TYW1: variants seen among roughly 807,000 people sequenced by gnomAD.
TYW1 encodes the protein S-adenosyl-L-methionine-dependent tRNA 4-demethylwyosine synthase TYW1.
In TYW1, 46 loss-of-function variants were observed where a neutral mutation model predicts 96.2. The ratio of observed to expected loss-of-function variants is 0.48; its 90% CI spans 0.38 to 0.61. The LOEUF (loss-of-function observed/expected upper bound fraction) is 0.61. TYW1 is among the 20% of genes least tolerant of loss of function. TYW1 has a pLI of 0.00. For missense variants in TYW1, 684 were observed against 909.6 expected, an observed-to-expected ratio of 0.75 and a Z score of 3.19; for synonymous variants, 274 against 323.0, an observed-to-expected ratio of 0.85 and a Z score of 1.63.
chr7:67,207,385 C>A (rs74780635), intron 15 of TYW1, among the ~76,000 whole-genome samples: 5,810 of 152,234 alleles, frequency 0.038, 330 homozygotes, highest in African/African-American at 0.13. Flanking sequence ...CCTTATCATT[C>A]ATTCACTCCA....
Position 67,239,477 on chromosome 7 carries a change from T to C in TYW1, c.*948T>C, listed in dbSNP as rs752204271. ...AGCAAGTTCTTTTAACAGTCTTTTA[T>C]GCAAAAATTGAATTAATAAAATAAT... On this transcript the variant is annotated 3_prime_UTR_variant, in exon 16 of 16. Transcript: ENST00000359626. 3.5e-5 allele frequency: 30 copies of C among 865,786 alleles called. No individual in the cohort carries two copies. The highest frequency in any genetic ancestry group is 3.7e-5 in the Non-Finnish European group (27 of 721,208). The allele number at this position is 865,786 out of a possible 1,614,324, so 53.6% of individuals were successfully genotyped here.
At chr7:67,107,862 G>A (rs894700912) in intron 12 of TYW1, among the ~76,000 whole-genome samples, 5 of 148,624 alleles carry the variant, frequency 3.4e-5, no homozygotes, top group South Asian at 2.1e-4. Flanking sequence ...CACCATGCCT[G>A]GCCAAGATGG....
In TYW1 at chr7:67,063,839, T is replaced by G. The variant is rs374531553; in HGVS notation, c.1156-3446T>G. Reference sequence around the variant, plus strand: ...GGATGGTCTTGATCTCCTGACCTTGTGATCCGCCCACCTCAGCCTCCCAAA... The same window carrying G: ...GGATGGTCTTGATCTCCTGACCTTGGGATCCGCCCACCTCAGCCTCCCAAA... On this transcript the variant is annotated intron_variant, in intron 9 of 15. Coordinates refer to ENST00000359626, the MANE Select transcript of TYW1 (RefSeq NM_018264.4). 2.0e-3 allele frequency among the ~76,000 whole-genome samples: 293 copies of G among 147,468 alleles called. 11 individuals are homozygous for G. The South Asian group carries it at 0.062, about 31-fold the overall frequency.
intron 13 of TYW1, among the ~76,000 whole-genome samples, chr7:67,149,768 ATCTATCTC>A (rs1213351846): frequency 9.7e-4 from 82 of 84,154 alleles, no homozygotes; most frequent in East Asian, 2.4e-3. Flanking sequence ...CTATCTATCT[ATCTATCTC>A]TCTATGTTAA....
chr7:67,010,127 C>G (rs1246693558), intron 4 of TYW1, among the ~76,000 whole-genome samples: 5 of 151,708 alleles, frequency 3.3e-5, no homozygotes. Context: ...GATTTACAGG[C>G]ATGCACCACC....
chr7:67,029,992 A>C (rs1303715945), intron 7 of TYW1, among the ~76,000 whole-genome samples: 1 of 152,176 alleles, frequency 6.6e-6, no homozygotes, highest in African/African-American at 2.4e-5. Flanking sequence ...GTCAAGGAAG[A>C]GATACTCTGG....
chr7:67,138,518 A>C (rs1166664451), intron 13 of TYW1, among the ~76,000 whole-genome samples: 2 of 152,090 alleles, frequency 1.3e-5, no homozygotes, highest in Non-Finnish European at 2.9e-5. Flanking sequence ...TGTACAATTA[A>C]ATTATGTTTG....
intron 13 of TYW1, among the ~76,000 whole-genome samples, chr7:67,172,229 ATTG>A (rs1338400781): frequency 6.6e-6 from 1 of 150,860 alleles, no homozygotes; most frequent in African/African-American, 2.4e-5. Flanking sequence ...TTTTTTTATT[ATTG>A]TTCTTTTAGT....
At chr7:67,114,726 ACT>A (rs1797537200) in intron 12 of TYW1, among the ~76,000 whole-genome samples, 1 of 152,146 alleles carries the variant, frequency 6.6e-6, no homozygotes, top group Admixed American at 6.6e-5. Context: ...CAGATAACTG[ACT>A]CTACTGGGAG....
At chr7:67,198,962 G>A (rs1033171298) in intron 15 of TYW1, among the ~76,000 whole-genome samples, 7 of 152,014 alleles carry the variant, frequency 4.6e-5, no homozygotes, top group Non-Finnish European at 1.0e-4. Context: ...TTGGGAGACC[G>A]AGGCAGGTGG....
At chr7:67,208,057 G>A (rs1584696982) in intron 15 of TYW1, among the ~76,000 whole-genome samples, 1 of 152,168 alleles carries the variant, frequency 6.6e-6, no homozygotes, top group Non-Finnish European at 1.5e-5. Context: ...GGCTGGTGTG[G>A]TGGCTCACAT....
At chr7:67,162,913 G>A (rs1799204734) in intron 13 of TYW1, among the ~76,000 whole-genome samples, 1 of 152,148 alleles carries the variant, frequency 6.6e-6, no homozygotes, top group Non-Finnish European at 1.5e-5. Context: ...TCTCCCAGAT[G>A]GAAAGTATAT....
At chr7:67,037,937 T>C (rs1412510314) in intron 7 of TYW1, among the ~76,000 whole-genome samples, 2 of 152,258 alleles carry the variant, frequency 1.3e-5, no homozygotes, top group Non-Finnish European at 2.9e-5. Flanking sequence ...TCATGTGTCC[T>C]TAATCCAAAA....
At chr7:67,037,036 G>A (rs1462413826) in intron 7 of TYW1, among the ~76,000 whole-genome samples, 2 of 152,180 alleles carry the variant, frequency 1.3e-5, no homozygotes, top group African/African-American at 2.4e-5. Flanking sequence ...TTTTTATTGA[G>A]CCTTCATTAG....
intron 15 of TYW1, among the ~76,000 whole-genome samples, chr7:67,233,346 T>C (rs1801795728): frequency 7.4e-6 from 1 of 135,976 alleles, no homozygotes; most frequent in African/African-American, 2.9e-5. Flanking sequence ...TTATTATTGT[T>C]TAGCGAAATT....
intron 12 of TYW1, chr7:67,114,393 C>T (rs1234948368): frequency 1.3e-5 from 2 of 153,358 alleles, no homozygotes; most frequent in Non-Finnish European, 2.9e-5. Flanking sequence ...ATAATCTCTA[C>T]AGAAAGGCAA....
chr7:67,130,376 C>CA (rs1173788017), intron 13 of TYW1, among the ~76,000 whole-genome samples: 1 of 131,936 alleles, frequency 7.6e-6, no homozygotes, highest in Non-Finnish European at 1.6e-5. Context: ...GACTCCATCT[C>CA]AAAAAACAAA....
At chr7:67,181,456 A>G (rs545555737) in intron 13 of TYW1, among the ~76,000 whole-genome samples, 1 of 152,246 alleles carries the variant, frequency 6.6e-6, no homozygotes, top group African/African-American at 2.4e-5. Context: ...GAAAACATTA[A>G]TTTCTGGTGT....
At chr7:67,014,887 G>A (rs147022874) in intron 5 of TYW1, among the ~76,000 whole-genome samples, 1 of 151,842 alleles carries the variant, frequency 6.6e-6, no homozygotes, top group Non-Finnish European at 1.5e-5. Flanking sequence ...GTGCCACCAG[G>A]CTTGGCTAAT....
Sources: allele counts gnomAD v4.1 joint callset (sites outside exome capture counted in the v4.1 genomes callset), GRCh38; gene constraint gnomAD v4.1.1; transcripts MANE v1.5; gene names NCBI Gene and HGNC (gene_info 2026-07-23, HGNC 2026-07-21).